Variants in PCSK6 observed in about 807,000 individuals in gnomAD.
PCSK6 encodes the protein proprotein convertase subtilisin/kexin type 6.
In PCSK6, 85 loss-of-function variants were observed where a neutral mutation model predicts 123.3. The observed-to-expected ratio is 0.69, with a 90% CI of 0.58 to 0.83. The LOEUF is 0.83. Ranked by LOEUF, PCSK6 falls within the 40% of genes least tolerant of loss-of-function variation. PCSK6 has a pLI of 0.00. For missense variants in PCSK6, 1,191 were observed against 1,282.3 expected, an observed-to-expected ratio of 0.93 and a Z score of 1.09; for synonymous variants, 508 against 516.0, an observed-to-expected ratio of 0.98 and a Z score of 0.21.
chr15:101,334,453 A>G (rs1398531654), intron 13 of PCSK6: 1 of 151,064 alleles, frequency 6.6e-6, no homozygotes, highest in Non-Finnish European at 1.5e-5. Context: ...AGTTGTTCTC[A>G]CCGCTGCAGC....
In PCSK6 at chr15:101,429,359, C is replaced by T. The variant is rs907487904; in HGVS notation, c.734+628G>A. Among the ~76,000 whole-genome samples, 8 of 152,100 alleles carry T rather than the reference C, an allele frequency of 5.3e-5. No individual in the cohort carries two copies. In the East Asian group the frequency reaches 1.3e-3, roughly 26 times the overall value. ...CAAAATGACAGTGACACAAAAACGC[C>T]CACCATTTCGGAAGAATCTGCTGGG... On this transcript the variant is annotated intron_variant, in intron 5 of 21. Transcript: ENST00000611716.
At chr15:101,333,346 G>A (rs2040409453) in intron 13 of PCSK6, among the ~76,000 whole-genome samples, 1 of 152,222 alleles carries the variant, frequency 6.6e-6, no homozygotes, top group South Asian at 2.1e-4. Context: ...GGAAACACAT[G>A]CACACACATG....
chr15:101,444,177 G>T (rs184750202), intron 1 of PCSK6, among the ~76,000 whole-genome samples: 1 of 152,296 alleles, frequency 6.6e-6, no homozygotes, highest in African/African-American at 2.4e-5. Flanking sequence ...ATTGTGAAAG[G>T]GTCAGATGAG....
intron 15 of PCSK6, among the ~76,000 whole-genome samples, chr15:101,330,585 C>T (rs2040353493): frequency 6.6e-6 from 1 of 152,218 alleles, no homozygotes; most frequent in Admixed American, 6.5e-5. Context: ...CCCACTCACC[C>T]CTGAGACTTG....
chr15:101,307,500 C>A, intron 20 of PCSK6, 175 bp from the exon 21 acceptor site: 1 of 586,462 alleles, frequency 1.7e-6, no homozygotes, highest in Non-Finnish European at 3.1e-6. Flanking sequence ...GTCTGCATGT[C>A]TTTTCTCCTG....
chr15:101,395,494 T>C (rs947672333), intron 7 of PCSK6, among the ~76,000 whole-genome samples: 1 of 152,216 alleles, frequency 6.6e-6, no homozygotes, highest in African/African-American at 2.4e-5. Flanking sequence ...CCAACAACCT[T>C]TCCCCTCCTT....
intron 15 of PCSK6, among the ~76,000 whole-genome samples, chr15:101,327,785 C>T (rs905763070): frequency 5.9e-5 from 9 of 152,178 alleles, no homozygotes; most frequent in African/African-American, 2.2e-4. Context: ...GCTTCCCTCC[C>T]CGAAGGCTCT....
chr15:101,367,582 C>G (rs908769038), intron 12 of PCSK6, among the ~76,000 whole-genome samples: 1 of 152,210 alleles, frequency 6.6e-6, no homozygotes, highest in Non-Finnish European at 1.5e-5. Flanking sequence ...ACCCAACACA[C>G]TGGGGACAGA....
rs551586699 is a variant in PCSK6, at chr15:101,409,224, G to A, written c.824-10648C>T. On this transcript the variant is annotated intron_variant, in intron 6 of 21. Transcript: ENST00000611716. ...TGTAATCCCAGCACTTTGGGCGGCC[G>A]AGGCGGGCGGATCACGAGGTCAGGA... 6.2e-3 allele frequency among the ~76,000 whole-genome samples: 944 copies of A among 152,086 alleles called. 6 individuals are homozygous for A. Among genetic ancestry groups the A allele is most frequent in the African/African-American group, 0.02 (846 of 41,410 alleles).
chr15:101,451,331 G>T (rs148852111), intron 1 of PCSK6, among the ~76,000 whole-genome samples: 46 of 151,914 alleles, frequency 3.0e-4, no homozygotes, highest in African/African-American at 1.1e-3. Flanking sequence ...TCCAATGGAC[G>T]TGACTGCAGA....
rs74035532 is a variant in PCSK6 at position 101,487,270 on chromosome 15, C to T, written c.297+2104G>A. Among the ~76,000 whole-genome samples, 610 of 152,372 alleles carry T rather than the reference C, an allele frequency of 4.0e-3. 4 individuals are homozygous for T. Among genetic ancestry groups the T allele is most frequent in the African/African-American group, 0.012 (491 of 41,594 alleles). On this transcript the variant is annotated intron_variant, in intron 1 of 21. Transcript: ENST00000611716. ...GCTAATCTCTGTTAGTGAATGTCAC[C>T]GCAGTGCCACTGCCAGCACCATGCC...
At chr15:101,371,232 G>A (rs1231033788) in intron 11 of PCSK6, among the ~76,000 whole-genome samples, 1 of 152,034 alleles carries the variant, frequency 6.6e-6, no homozygotes, top group Non-Finnish European at 1.5e-5. Context: ...TAAAAGATGG[G>A]TTCTTGGGCA....
chr15:101,485,979 T>C, intron 1 of PCSK6, among the ~76,000 whole-genome samples: 1 of 149,098 alleles, frequency 6.7e-6, no homozygotes, highest in Non-Finnish European at 1.5e-5. Context: ...TTTTTTTTTT[T>C]TGAGACGGAG....
At chr15:101,432,693 G>C (rs887668677) in intron 2 of PCSK6, among the ~76,000 whole-genome samples, 15 of 151,930 alleles carry the variant, frequency 9.9e-5, no homozygotes, top group African/African-American at 3.6e-4. Flanking sequence ...GAGAGAGGGA[G>C]AGAAGGAAGG....
At chr15:101,376,374 C>T (rs1046661856) in intron 11 of PCSK6, among the ~76,000 whole-genome samples, 50 of 152,298 alleles carry the variant, frequency 3.3e-4, no homozygotes, top group Admixed American at 8.5e-4. Flanking sequence ...AGAAAACACA[C>T]GGGTAAGACA....
intron 6 of PCSK6, among the ~76,000 whole-genome samples, chr15:101,412,823 C>A (rs971182241): frequency 6.6e-6 from 1 of 151,232 alleles, no homozygotes; most frequent in African/African-American, 2.4e-5. Context: ...CTAGAGTGGA[C>A]AGGAGGAGAG....
chr15:101,356,259 G>T (rs1041333007), intron 13 of PCSK6, among the ~76,000 whole-genome samples: 1 of 152,138 alleles, frequency 6.6e-6, no homozygotes, highest in Non-Finnish European at 1.5e-5. Flanking sequence ...AACGGCTGGA[G>T]TAGCAAGCTC....
At chr15:101,479,916 G>A (rs1050971059) in intron 1 of PCSK6, among the ~76,000 whole-genome samples, 2 of 152,180 alleles carry the variant, frequency 1.3e-5, no homozygotes, top group Non-Finnish European at 2.9e-5. Context: ...TCCAGGAAGG[G>A]GGACAGGACC....
At position 101,331,855 on chromosome 15, in the gene PCSK6, T is replaced by C. The variant is rs778378376; in HGVS notation, c.2035A>G (p.Thr679Ala). The C allele has an allele frequency of 1.2e-6, 2 of 1,612,634 alleles. No individual in the cohort carries two copies. The highest frequency in any genetic ancestry group is 4.5e-5 in the East Asian group (2 of 44,852). Reference protein sequence around the residue: ...VEVPEDEEDYTAQSTPGSANI... With the variant: ...VEVPEDEEDYAAQSTPGSANI... The stretch of plus-strand genomic sequence containing the variant: ...CCTCTTACTTCAGGCTCATTACCTG[T>C]GTAATCTTCCTCATCTTCAGGAACT... Residue 679 changes from threonine (T) to alanine (A), a missense_variant, in exon 14 of 22, where the codon ACA (threonine) becomes GCA (alanine). Thr to Ala is a moderately conservative substitution (Grantham distance 58). Coordinates refer to ENST00000611716, the MANE Select transcript of PCSK6 (RefSeq NM_002570.5).
Sources: allele counts gnomAD v4.1 joint callset (sites outside exome capture counted in the v4.1 genomes callset), GRCh38; gene constraint gnomAD v4.1.1; transcripts MANE v1.5; gene names NCBI Gene and HGNC (gene_info 2026-07-23, HGNC 2026-07-21).